REV3L: variants seen among roughly 807,000 people sequenced by gnomAD.
The protein encoded by REV3L is REV3 like, DNA directed polymerase zeta catalytic subunit.
REV3L carries 69 observed loss-of-function variants against 299.4 expected under a neutral mutation model. The ratio of observed to expected loss-of-function variants is 0.23; its 90% CI spans 0.19 to 0.28. The LOEUF (loss-of-function observed/expected upper bound fraction) is 0.28, where lower values mean the gene tolerates loss of function less well. Ranked by LOEUF, REV3L falls within the 10% of genes least tolerant of loss-of-function variation. REV3L has a pLI of 1.00. For synonymous variants in REV3L, 1,238 were observed against 1,271.4 expected (o/e 0.97, Z 0.56); for missense variants, 3,128 against 3,693.8 (o/e 0.85, Z 3.97).
At chr6:111,334,008 G>A (rs1025913368) in intron 22 of REV3L, among the ~76,000 whole-genome samples, 6 of 151,742 alleles carry the variant, frequency 4.0e-5, no homozygotes, top group South Asian at 2.1e-4. Flanking sequence ...GCAAAATCTC[G>A]GCTCACTGCA....
At chr6:111,453,999 A>G (rs896470224) in intron 1 of REV3L, among the ~76,000 whole-genome samples, 4 of 152,200 alleles carry the variant, frequency 2.6e-5, no homozygotes, top group Admixed American at 2.6e-4. Flanking sequence ...AAAATAAAAA[A>G]TAAGAAAATA....
chr6:111,434,381 G>A (rs1216621420), intron 1 of REV3L, among the ~76,000 whole-genome samples: 24 of 152,036 alleles, frequency 1.6e-4, no homozygotes, highest in African/African-American at 5.6e-4. Context: ...TTGGGAGGCC[G>A]AAGTGGGCGC....
At chr6:111,471,283 A>G (rs574808771) in intron 1 of REV3L, among the ~76,000 whole-genome samples, 1 of 152,236 alleles carries the variant, frequency 6.6e-6, no homozygotes, top group African/African-American at 2.4e-5. Context: ...ATGGCTTTGG[A>G]AAATAAGGTT....
At chr6:111,422,698 A>G (rs1203484519) in intron 1 of REV3L, among the ~76,000 whole-genome samples, 1 of 130,626 alleles carries the variant, frequency 7.7e-6, no homozygotes, top group African/African-American at 2.6e-5. Flanking sequence ...ATATATATAT[A>G]TATTTCCCCC....
At chr6:111,431,663 GA>G in intron 1 of REV3L, 2 of 930,022 alleles carry the variant, frequency 2.2e-6, no homozygotes, top group South Asian at 1.3e-5. Flanking sequence ...TACGGAGTTT[GA>G]AAAGCAATGG....
chr6:111,438,021 T>A (rs1787795941), intron 1 of REV3L, among the ~76,000 whole-genome samples: 1 of 151,342 alleles, frequency 6.6e-6, no homozygotes, highest in African/African-American at 2.4e-5. Context: ...CTAATTTTTT[T>A]TTTTTTATTT....
At chr6:111,455,473 T>C (rs1207844185) in intron 1 of REV3L, among the ~76,000 whole-genome samples, 1 of 152,124 alleles carries the variant, frequency 6.6e-6, no homozygotes, top group Non-Finnish European at 1.5e-5. Flanking sequence ...AGGTGCTCGA[T>C]CATGAAAAAA....
chr6:111,393,452 G>A (rs1277913257), intron 4 of REV3L, among the ~76,000 whole-genome samples: 1 of 152,062 alleles, frequency 6.6e-6, no homozygotes, highest in Non-Finnish European at 1.5e-5. Flanking sequence ...ACAAAATCAA[G>A]GTACTTAGGA....
intron 1 of REV3L, among the ~76,000 whole-genome samples, chr6:111,469,126 C>T (rs937534922): frequency 6.6e-6 from 1 of 152,154 alleles, no homozygotes; most frequent in African/African-American, 2.4e-5. Context: ...CACACCATTG[C>T]ACTCCAGCCT....
intron 1 of REV3L, among the ~76,000 whole-genome samples, chr6:111,473,051 A>G (rs1336375323): frequency 6.6e-6 from 1 of 152,106 alleles, no homozygotes; most frequent in African/African-American, 2.4e-5. Flanking sequence ...TCTTATTATC[A>G]CTATGATGTT....
At chr6:111,479,297 G>A (rs1261716969) in intron 1 of REV3L, among the ~76,000 whole-genome samples, 2 of 152,076 alleles carry the variant, frequency 1.3e-5, no homozygotes, top group Non-Finnish European at 2.9e-5. Context: ...TTCTACAAAT[G>A]ATACTGCTCA....
In REV3L at chr6:111,392,972, C is replaced by T. The variant is rs538880073; in HGVS notation, c.566G>A (p.Ser189Asn). The change falls in exon 5 of 32, where the codon AGT becomes AAT. Residue 189 changes from serine (S) to asparagine (N), a missense_variant and splice_region_variant. Physicochemically the swap from Ser to Asn is conservative, Grantham distance 46 (BLOSUM62 1). Transcript: ENST00000368802. ...AVKFRKARRK[S>N]NTLHATGSCK... ...GGATCCAGTTGCATGCAATGTATTA[C>T]CTAGGAATAGAAAGGTAAAAGGAAT... 1.9e-6 allele frequency: 3 copies of T among 1,576,934 alleles called. No individual in the cohort carries two copies. The South Asian group carries it at 3.3e-5, about 17-fold the overall frequency.
chr6:111,379,995 A>C lies in REV3L; in HGVS notation c.1441T>G (p.Cys481Gly). The C allele has an allele frequency of 1.2e-6, 2 of 1,608,688 alleles. No homozygotes were observed. The highest frequency in any genetic ancestry group is 1.7e-6 in the Non-Finnish European group (2 of 1,176,556). The change falls in exon 11 of 32, where the codon TGT (cysteine) becomes GGT (glycine). Residue 481 changes from cysteine (C) to glycine (G), a missense_variant. This residue lies in a region of REV3L where 2,409 missense variants were observed against 2,611.8 expected (regional missense o/e 0.92). Coordinates refer to ENST00000368802, the MANE Select transcript of REV3L (RefSeq NM_001372078.1). ...QRWDSNIEEH[C>G]AKKRSLCRNT... ...CTAAAAAATTACCTCTTTTTGGCAC[A>C]ATGTTCTTCAATATTGCTGTCCCAT...
chr6:111,339,124 A>G (rs1776233711), intron 21 of REV3L, among the ~76,000 whole-genome samples: 1 of 152,122 alleles, frequency 6.6e-6, no homozygotes, highest in East Asian at 1.9e-4. Flanking sequence ...GGTAATTACT[A>G]TTTCCCCATT....
At chr6:111,318,093 C>CTTT in intron 26 of REV3L, among the ~76,000 whole-genome samples, 1 of 145,472 alleles carries the variant, frequency 6.9e-6, no homozygotes, top group Non-Finnish European at 1.5e-5. Context: ...TTTCTTTTTT[C>CTTT]TTTTTTTTTT....
chr6:111,315,469 G>C (rs1773417076), intron 26 of REV3L, 88 bp from the exon 27 acceptor site: 2 of 920,504 alleles, frequency 2.2e-6, no homozygotes, highest in Non-Finnish European at 3.3e-6. Context: ...TATGACTCTT[G>C]TCTAATGCCA....
At chr6:111,322,776 G>A in intron 25 of REV3L, 98 bp from the exon 26 acceptor site, 1 of 819,006 alleles carries the variant, frequency 1.2e-6, no homozygotes, top group Admixed American at 2.5e-5. Flanking sequence ...AATATTTCCA[G>A]AAATGAAACG....
intron 5 of REV3L, among the ~76,000 whole-genome samples, chr6:111,391,062 T>G (rs2128254528): frequency 6.6e-6 from 1 of 151,778 alleles, no homozygotes; most frequent in South Asian, 2.1e-4. Flanking sequence ...TGAAACACTT[T>G]GGTATTTTTT....
At chr6:111,452,053 T>A (rs958579799) in intron 1 of REV3L, among the ~76,000 whole-genome samples, 2 of 151,856 alleles carry the variant, frequency 1.3e-5, no homozygotes, top group East Asian at 3.9e-4. Flanking sequence ...GTAAAAAAGA[T>A]TTGGATACTT....
Sources: allele counts gnomAD v4.1 joint callset (sites outside exome capture counted in the v4.1 genomes callset), GRCh38; gene constraint gnomAD v4.1.1; regional missense constraint gnomAD v4.1.1; transcripts MANE v1.5; gene names NCBI Gene and HGNC (gene_info 2026-07-23, HGNC 2026-07-21).